The following SIL1 variants were observed in gnomAD, a reference collection of about 807,000 sequenced individuals.
SIL1 encodes the protein SIL1 nucleotide exchange factor.
In SIL1, 40 loss-of-function variants were observed where a neutral mutation model predicts 49.1. The ratio of observed to expected loss-of-function variants is 0.81; its 90% confidence interval spans 0.63 to 1.06. The LOEUF (loss-of-function observed/expected upper bound fraction) is 1.06. SIL1 is among the 50% of genes least tolerant of loss of function. The pLI is 0.00. For synonymous variants in SIL1, 253 were observed against 250.8 expected (o/e 1.01, Z -0.08); for missense variants, 500 against 572.6 (o/e 0.87, Z 1.29).
rs1180136318 is a variant in SIL1 at position 139,152,333 on chromosome 5, G to A, written c.-10-24480C>T. Among the ~76,000 whole-genome samples, 3 of 152,158 alleles carry A rather than the reference G, an allele frequency of 2.0e-5. No homozygotes were observed. In the East Asian group the frequency reaches 5.8e-4, roughly 29 times the overall value. The stretch of plus-strand genomic sequence containing the variant: ...ATTAAATGTTTATTTAGAATGTAGA[G>A]GGATTGGCCAGGCACAGTGGCTCAC... On this transcript the variant is annotated intron_variant, in intron 1 of 9. Transcript: ENST00000394817.
intron 7 of SIL1, among the ~76,000 whole-genome samples, chr5:138,958,798 C>T (rs892675713): frequency 1.3e-5 from 2 of 151,686 alleles, no homozygotes; most frequent in East Asian, 3.9e-4. Flanking sequence ...CAACCTGTAC[C>T]ATGATGTTTG....
chr5:139,134,673 T>C (rs1439474384), intron 1 of SIL1, among the ~76,000 whole-genome samples: 1 of 152,170 alleles, frequency 6.6e-6, no homozygotes, highest in African/African-American at 2.4e-5. Context: ...CCGAGGCAGT[T>C]TTCTGCTGAG....
At chr5:139,110,548 A>G (rs553290588) in intron 3 of SIL1, among the ~76,000 whole-genome samples, 2 of 152,358 alleles carry the variant, frequency 1.3e-5, no homozygotes, top group Admixed American at 1.3e-4. Flanking sequence ...ATAAGGAAAA[A>G]CCAACAACTT....
intron 3 of SIL1, among the ~76,000 whole-genome samples, chr5:139,112,937 T>C (rs538554599): frequency 6.6e-6 from 1 of 152,360 alleles, no homozygotes; most frequent in African/African-American, 2.4e-5. Context: ...GGAGACTCCA[T>C]TTTGTTCTGT....
chr5:139,052,620 G>A (rs910575877), intron 3 of SIL1, among the ~76,000 whole-genome samples: 1 of 152,074 alleles, frequency 6.6e-6, no homozygotes, highest in South Asian at 2.1e-4. Context: ...AATGGTGGAG[G>A]TTGCAGTAAG....
chr5:138,996,767 C>G (rs1767879237), intron 7 of SIL1, among the ~76,000 whole-genome samples: 2 of 152,046 alleles, frequency 1.3e-5, no homozygotes, highest in African/African-American at 4.8e-5. Context: ...ATCCGCCTGC[C>G]TCGACCTCCC....
intron 4 of SIL1, among the ~76,000 whole-genome samples, chr5:139,048,438 C>T (rs549204002): frequency 1.3e-4 from 18 of 137,130 alleles, no homozygotes; most frequent in African/African-American, 4.5e-4. Flanking sequence ...TGCAGTGGTA[C>T]GATCTTGACT....
At chr5:139,096,307 C>A (rs1770465866) in intron 3 of SIL1, among the ~76,000 whole-genome samples, 1 of 152,164 alleles carries the variant, frequency 6.6e-6, no homozygotes, top group Non-Finnish European at 1.5e-5. Flanking sequence ...ACAAACCTTG[C>A]CGCCACAGGC....
At chr5:139,105,612 T>C (rs942091469) in intron 3 of SIL1, among the ~76,000 whole-genome samples, 4 of 152,198 alleles carry the variant, frequency 2.6e-5, no homozygotes, top group African/African-American at 9.6e-5. Context: ...ATTTAGGGAA[T>C]GGGCTGTGCA....
At chr5:139,062,867 A>T (rs1032366594) in intron 3 of SIL1, among the ~76,000 whole-genome samples, 1 of 152,198 alleles carries the variant, frequency 6.6e-6, no homozygotes, top group African/African-American at 2.4e-5. Context: ...GCCACAGCTT[A>T]CCATGTGCCC....
intron 3 of SIL1, among the ~76,000 whole-genome samples, chr5:139,096,189 T>C (rs138144785): frequency 3.9e-5 from 6 of 152,086 alleles, no homozygotes; most frequent in African/African-American, 9.7e-5. Context: ...TTAGAGCAGA[T>C]AGAAAAACTG....
intron 1 of SIL1, among the ~76,000 whole-genome samples, chr5:139,171,576 G>A (rs1313099374): frequency 2.0e-5 from 3 of 151,736 alleles, no homozygotes; most frequent in South Asian, 2.1e-4. Flanking sequence ...AAGGCCACAG[G>A]GTCCTCTGCC....
At chr5:139,039,422 T>C (rs1431549654) in intron 5 of SIL1, among the ~76,000 whole-genome samples, 2 of 152,192 alleles carry the variant, frequency 1.3e-5, no homozygotes, top group African/African-American at 4.8e-5. Flanking sequence ...GTAAATAAGG[T>C]TTCTATCCTG....
chr5:139,075,522 AC>A (rs1769929505), intron 3 of SIL1, among the ~76,000 whole-genome samples: 1 of 152,016 alleles, frequency 6.6e-6, no homozygotes, highest in Admixed American at 6.6e-5. Flanking sequence ...TTCCTTAAAA[AC>A]AAACTGCTCC....
chr5:139,165,751 G>A (rs185708259), intron 1 of SIL1, among the ~76,000 whole-genome samples: 158 of 152,142 alleles, frequency 1.0e-3, no homozygotes, highest in African/African-American at 3.2e-3. Flanking sequence ...TCCGCTTCCT[G>A]TGTTCAAGTG....
chr5:139,107,669 C>T (rs930264978), intron 3 of SIL1, among the ~76,000 whole-genome samples: 1 of 152,162 alleles, frequency 6.6e-6, no homozygotes, highest in African/African-American at 2.4e-5. Flanking sequence ...TCTTTCATCA[C>T]CTGGACATAC....
chr5:138,970,683 C>T (rs989161899), intron 7 of SIL1, among the ~76,000 whole-genome samples: 1 of 152,090 alleles, frequency 6.6e-6, no homozygotes, highest in African/African-American at 2.4e-5. Flanking sequence ...CTACATCCTC[C>T]CAAGTGGTAT....
intron 1 of SIL1, among the ~76,000 whole-genome samples, chr5:139,163,849 A>G (rs536557535): frequency 8.8e-4 from 134 of 152,194 alleles, no homozygotes; most frequent in Middle Eastern, 3.4e-3. Flanking sequence ...TATAATTCCT[A>G]TAATTCACGC....
In SIL1 at chr5:139,166,774, A is replaced by G. The variant is rs142247605; in HGVS notation, c.-11+31495T>C. The stretch of plus-strand genomic sequence containing the variant: ...ATTTTCCCACCTCATCCTCCTAAGT[A>G]ACGGGCACTACAGGCACACACCAGC... On this transcript the variant is annotated intron_variant, in intron 1 of 9. Transcript: ENST00000394817. Among the ~76,000 whole-genome samples the G allele has an allele frequency of 1.1e-3, 167 of 152,156 alleles. 1 individual carries two copies. Among genetic ancestry groups the G allele is most frequent in the South Asian group, 2.9e-3 (14 of 4,818 alleles).
Sources: allele counts gnomAD v4.1 joint callset (sites outside exome capture counted in the v4.1 genomes callset), GRCh38; gene constraint gnomAD v4.1.1; transcripts MANE v1.5; gene names NCBI Gene and HGNC (gene_info 2026-07-23, HGNC 2026-07-21).